Variants in SERINC2 observed in about 807,000 individuals in gnomAD.
SERINC2 encodes tumor differentially expressed protein 2.
SERINC2 carries 56 observed loss-of-function variants against 54.2 expected under a neutral mutation model. The observed-to-expected ratio is 1.03, with a 90% CI of 0.83 to 1.29. The LOEUF (loss-of-function observed/expected upper bound fraction) is 1.29. SERINC2 is among the 50% of genes most tolerant of loss of function. SERINC2 has a pLI of 0.00. For missense variants in SERINC2, 614 were observed against 607.4 expected, an observed-to-expected ratio of 1.01 and a Z score of -0.12; for synonymous variants, 272 against 253.1, an observed-to-expected ratio of 1.07 and a Z score of -0.71.
At chr1:31,409,937 G>A, upstream of SERINC2, 1 of 1,251,926 alleles carries the variant, frequency 8.0e-7, no homozygotes, top group Non-Finnish European at 1.1e-6. Context: ...TGAAAACTCA[G>A]GCCCAGTGAG....
upstream of SERINC2, among the ~76,000 whole-genome samples, chr1:31,411,925 C>T (rs1640655318): frequency 6.9e-6 from 1 of 144,346 alleles, no homozygotes; most frequent in African/African-American, 2.6e-5. Context: ...CACTTGGGTC[C>T]AGGAGGTTGA....
chr1:31,413,720 G>GGT lies in SERINC2; in HGVS notation c.39+417_39+418insTG. ...CCCTGGTTCTCTGTGTAGGTCGCCCGGGCCCCGTCCCTCCTGGCGAGTGCC... is the reference window on the plus strand; with the variant it reads ...CCCTGGTTCTCTGTGTAGGTCGCCCGGTGGCCCCGTCCCTCCTGGCGAGTGCC... On this transcript the variant is annotated intron_variant, in intron 1 of 9. Coordinates refer to ENST00000373709, the MANE Select transcript of SERINC2 (RefSeq NM_178865.5). This position sits in a 1 kb window ranked among gnomAD's most constrained non-coding sequence, Gnocchi z 5.0. 1 of 1,260,422 alleles carries GGT rather than the reference G, an allele frequency of 7.9e-7. No individual in the cohort carries two copies. The highest frequency in any genetic ancestry group is 2.5e-5 in the South Asian group (1 of 39,886). 78.1% of individuals were successfully genotyped at this position (1,260,422 alleles called of 1,614,324 possible).
At chr1:31,423,595 C>T in intron 1 of SERINC2, 98 bp from the exon 2 acceptor site, 2 of 1,269,752 alleles carry the variant, frequency 1.6e-6, no homozygotes, top group Non-Finnish European at 2.2e-6. Context: ...GTGCTCCTGC[C>T]TAGCGCAGCA....
intron 1 of SERINC2, among the ~76,000 whole-genome samples, chr1:31,419,142 C>T (rs889676274): frequency 5.3e-5 from 8 of 152,130 alleles, no homozygotes; most frequent in Non-Finnish European, 8.8e-5. Context: ...TGGTTGTAAT[C>T]GTAGTGTGGG....
chr1:31,434,293 C>A lies in SERINC2; in HGVS notation c.*94C>A. The A allele has an allele frequency of 7.4e-7, 1 of 1,344,412 alleles. No individual in the cohort carries two copies. The highest frequency in any genetic ancestry group is 1.0e-6 in the Non-Finnish European group (1 of 971,164). The allele number at this position is 1,344,412 out of a possible 1,614,324, so 83.3% of individuals were successfully genotyped here. On this transcript the variant is annotated 3_prime_UTR_variant, in exon 10 of 10. Transcript: ENST00000373709. ...CTGCCCCCTCCCCACACCAATCAGC[C>A]AGGCTGAGCCCCCACCCCTGCCCCA...
intron 8 of SERINC2, among the ~76,000 whole-genome samples, chr1:31,429,865 G>A (rs989828196): frequency 3.9e-5 from 6 of 152,060 alleles, no homozygotes; most frequent in Non-Finnish European, 5.9e-5. Context: ...CCTGCTGTGC[G>A]GCTTGGGGTA....
chr1:31,431,904 T>TAGGGTGGATAGGGTGGATAGGGTGGAC (rs1641244170), intron 8 of SERINC2, among the ~76,000 whole-genome samples: 1 of 26,398 alleles, frequency 3.8e-5, no homozygotes, highest in Admixed American at 4.8e-4. Context: ...ATAGGGTGGA[T>TAGGGTGGATAGGGTGGATAGGGTGGAC]AGGGTGGATA....
chr1:31,423,137 C>A lies in SERINC2; in HGVS notation c.40-556C>A, dbSNP rs74491765. ...AATGAACAAAACGCAAAAATTCCTGCCCCGCTGGAAAGCGGAGGCCGACAA... is the reference window on the plus strand; with the variant it reads ...AATGAACAAAACGCAAAAATTCCTGACCCGCTGGAAAGCGGAGGCCGACAA... On this transcript the variant is annotated intron_variant, in intron 1 of 9. Transcript: ENST00000373709. 5.6e-3 allele frequency among the ~76,000 whole-genome samples: 856 copies of A among 152,338 alleles called. 63 individuals carry two copies. In the East Asian group the frequency reaches 0.14, roughly 25 times the overall value.
chr1:31,431,626 G>A (rs1419759903), intron 8 of SERINC2, among the ~76,000 whole-genome samples: 2 of 152,232 alleles, frequency 1.3e-5, no homozygotes, highest in African/African-American at 2.4e-5. Context: ...GAGCCCAGGG[G>A]CACAGGTCTG....
intron 3 of SERINC2, 119 bp downstream of exon 3, chr1:31,424,992 C>A: frequency 4.0e-6 from 3 of 742,762 alleles, no homozygotes; most frequent in Non-Finnish European, 4.4e-6. Context: ...GAGGGCACAG[C>A]ATGGAGAACA....
In SERINC2 at chr1:31,434,510, G is replaced by A. The variant is rs782486080; in HGVS notation, c.*311G>A. ...GCTCCCTTGTCCTCAGGCTCCACGG[G>A]AGCGGGGCTGCTGGAGAGAGCGGGG... On this transcript the variant is annotated 3_prime_UTR_variant, in exon 10 of 10. Coordinates refer to ENST00000373709, the MANE Select transcript of SERINC2 (RefSeq NM_178865.5). The A allele has an allele frequency of 8.0e-6, 3 of 375,748 alleles. No homozygotes were observed. Among genetic ancestry groups the A allele is most frequent in the Non-Finnish European group, 1.5e-5 (3 of 205,408 alleles). The allele number at this position is 375,748 out of a possible 1,614,324, so 23.3% of individuals were successfully genotyped here. A position where few individuals can be genotyped will look rare whatever the true frequency, so the allele number is the denominator to read the frequency against.
chr1:31,431,453 C>T (rs1553134451), intron 8 of SERINC2, among the ~76,000 whole-genome samples: 3 of 152,154 alleles, frequency 2.0e-5, no homozygotes, highest in African/African-American at 4.8e-5. Flanking sequence ...GATAGGGAAA[C>T]TGACAGCCGG....
At chr1:31,433,250 T>A in intron 9 of SERINC2, 65 bp downstream of exon 9, 1 of 1,393,066 alleles carries the variant, frequency 7.2e-7, no homozygotes, top group Non-Finnish European at 1.0e-6. Context: ...ACATCTCTCC[T>A]GCGGCCCTTC....
At chr1:31,413,179 G>A, upstream of SERINC2, 1 of 998,056 alleles carries the variant, frequency 1.0e-6, no homozygotes, top group Non-Finnish European at 1.2e-6. The surrounding 1 kb of genome is among the most constrained non-coding windows in gnomAD (Gnocchi z 5.0). Flanking sequence ...CGGGGCCGGG[G>A]CCGGGGAGGG....
At position 31,423,879 on chromosome 1, in the gene SERINC2, C is replaced by T. The variant is rs370835346; in HGVS notation, c.201+25C>T. ...GGTGAGTGCCCCAGGGGAGGCAGGG[C>T]GGCCTCCAGCGAGGGGCGTCAGTGG... On this transcript the variant is annotated intron_variant, in intron 2 of 9. Coordinates refer to ENST00000373709, the MANE Select transcript of SERINC2 (RefSeq NM_178865.5). 110 of 1,606,724 alleles carry T rather than the reference C, an allele frequency of 6.8e-5. No individual in the cohort carries two copies. In the African/African-American group the frequency reaches 8.2e-4, roughly 12 times the overall value.
At chr1:31,429,368 G>A in intron 7 of SERINC2, 29 bp from the exon 8 acceptor site, 1 of 1,595,382 alleles carries the variant, frequency 6.3e-7, no homozygotes, top group Non-Finnish European at 8.5e-7. Context: ...GCCTGCATGG[G>A]CTGAGGGTGA....
In SERINC2 at chr1:31,426,028, C is replaced by A. The variant is rs577473250; in HGVS notation, c.610+115C>A. The stretch of plus-strand genomic sequence containing the variant: ...AAAACTGGGGGGCATCCCTAGCAGC[C>A]ACTGCCTTAGGTCAAGATTCCAATT... On this transcript the variant is annotated intron_variant, in intron 5 of 9. Coordinates refer to ENST00000373709, the MANE Select transcript of SERINC2 (RefSeq NM_178865.5). 35 of 1,118,608 alleles carry A rather than the reference C, an allele frequency of 3.1e-5. 1 individual carries two copies. The South Asian group carries it at 5.2e-4, about 17-fold the overall frequency. The allele number at this position is 1,118,608 out of a possible 1,614,324, so 69.3% of individuals were successfully genotyped here. A position where few individuals can be genotyped will look rare whatever the true frequency, so the allele number is the denominator to read the frequency against.
In SERINC2 at chr1:31,429,561, G is replaced by A; in HGVS notation, c.1013+23G>A. ...CAGGTATGGCCAGGTCTGGATTCTG[G>A]GGAAGGATCATGATTGAGGGCCCTG... On this transcript the variant is annotated intron_variant, in intron 8 of 9. Coordinates refer to ENST00000373709, the MANE Select transcript of SERINC2 (RefSeq NM_178865.5). 1.9e-6 allele frequency: 3 copies of A among 1,576,960 alleles called. No homozygotes were observed. The Admixed American group carries it at 5.4e-5, about 28-fold the overall frequency.
intron 1 of SERINC2, chr1:31,414,759 T>C (rs1056790270): frequency 2.0e-6 from 2 of 985,368 alleles, no homozygotes; most frequent in Admixed American, 6.1e-5. Flanking sequence ...GTGGACCTGA[T>C]TTCCATCGGT....
Sources: gnomAD v4.1 joint callset for allele counts (sites outside exome capture counted in the v4.1 genomes callset) on GRCh38, gnomAD v4.1.1 for gene constraint, Gnocchi (gnomAD v3.1) non-coding constraint, MANE v1.5 for transcripts, NCBI Gene and HGNC (gene_info 2026-07-23, HGNC 2026-07-21) for gene names.